Variants in NRXN1 observed in about 807,000 individuals in gnomAD.
NRXN1 encodes neurexin 1, also known as neurexin-1.
In NRXN1, 39 loss-of-function variants were observed where a neutral mutation model predicts 150.9. The observed-to-expected ratio is 0.26, with a 90% CI of 0.20 to 0.34. The LOEUF is 0.34. Ranked by LOEUF, NRXN1 falls within the 10% of genes least tolerant of loss-of-function variation. The pLI, the probability that NRXN1 is intolerant of heterozygous loss-of-function variation, is 1.00. For missense variants in NRXN1, 1,815 were observed against 1,949.9 expected (o/e 0.93, Z 1.30); for synonymous variants, 924 against 757.0 (o/e 1.22, Z -3.62).
Position 50,769,308 on chromosome 2 carries a change from A to T in NRXN1, c.833-145693T>A, listed in dbSNP as rs532064967. On this transcript the variant is annotated intron_variant, in intron 5 of 22. Coordinates refer to ENST00000401669, the MANE Select transcript of NRXN1 (RefSeq NM_001330078.2). Reference sequence around the variant, plus strand: ...TATAGCATCACAGATGGGTTATCCAACTCAATCACAGACATTCCCCTAATC... The same window carrying T: ...TATAGCATCACAGATGGGTTATCCATCTCAATCACAGACATTCCCCTAATC... Among the ~76,000 whole-genome samples the T allele has an allele frequency of 9.2e-5, 14 of 152,098 alleles. No individual in the cohort carries two copies. The South Asian group carries it at 2.9e-3, about 32-fold the overall frequency.
At chr2:51,022,513 G>A (rs1669775424) in intron 2 of NRXN1, among the ~76,000 whole-genome samples, 1 of 152,094 alleles carries the variant, frequency 6.6e-6, no homozygotes, top group Admixed American at 6.6e-5. Context: ...TTACCTCATA[G>A]TCAAAATAAA....
intron 5 of NRXN1, among the ~76,000 whole-genome samples, chr2:50,797,943 T>G (rs1037616695): frequency 6.6e-6 from 1 of 152,192 alleles, no homozygotes; most frequent in African/African-American, 2.4e-5. Flanking sequence ...ATTTAGGTGA[T>G]CAGGCTTCTC....
chr2:50,723,344 T>A (rs1696914323), intron 5 of NRXN1, among the ~76,000 whole-genome samples: 1 of 152,196 alleles, frequency 6.6e-6, no homozygotes, highest in Non-Finnish European at 1.5e-5. Context: ...GAAGAACTAT[T>A]ATTCAAAGCT....
intron 18 of NRXN1, among the ~76,000 whole-genome samples, chr2:50,218,147 T>C (rs2063532117): frequency 6.6e-6 from 1 of 152,078 alleles, no homozygotes; most frequent in Non-Finnish European, 1.5e-5. Flanking sequence ...CTTTACATCA[T>C]TTTATTAAAA....
intron 17 of NRXN1, among the ~76,000 whole-genome samples, chr2:50,317,821 A>T (rs1638573371): frequency 6.6e-6 from 1 of 152,056 alleles, no homozygotes; most frequent in African/African-American, 2.4e-5. Flanking sequence ...TCATGAAAGG[A>T]ATTGAAACAT....
intron 17 of NRXN1, among the ~76,000 whole-genome samples, chr2:50,396,820 T>C (rs1227025897): frequency 6.6e-6 from 1 of 152,138 alleles, no homozygotes; most frequent in Non-Finnish European, 1.5e-5. Flanking sequence ...AACCTATCAT[T>C]AATTTTTTAA....
intron 5 of NRXN1, among the ~76,000 whole-genome samples, chr2:50,780,887 C>T (rs1394746446): frequency 6.6e-6 from 1 of 152,122 alleles, no homozygotes; most frequent in African/African-American, 2.4e-5. Flanking sequence ...TTAATTGTAA[C>T]CTCCTATGCA....
At chr2:50,233,480 CCAAT>C (rs1371215513) in intron 18 of NRXN1, among the ~76,000 whole-genome samples, 14 of 151,922 alleles carry the variant, frequency 9.2e-5, no homozygotes, top group African/African-American at 3.1e-4. Context: ...AAATTATATG[CCAAT>C]CAGATTTTTT....
intron 15 of NRXN1, among the ~76,000 whole-genome samples, chr2:50,494,892 G>A (rs1040045420): frequency 2.7e-4 from 41 of 152,100 alleles, no homozygotes; most frequent in Middle Eastern, 3.4e-3. Flanking sequence ...TTAGCCGGGC[G>A]TGGTGGCGGG....
chr2:50,138,628 C>T (rs1028235245), intron 18 of NRXN1, among the ~76,000 whole-genome samples: 53 of 152,214 alleles, frequency 3.5e-4, no homozygotes, highest in African/African-American at 1.3e-3. Flanking sequence ...TTTCATTCCC[C>T]TTCTCACATC....
chr2:50,525,286 G>T (rs2160449), intron 12 of NRXN1, among the ~76,000 whole-genome samples: 132,968 of 151,914 alleles, frequency 0.88, 58,626 homozygotes, highest in African/African-American at 0.97. Flanking sequence ...TCTTTGATGA[G>T]TTTTAAAATA....
chr2:50,416,564 T>G (rs2083554147), intron 17 of NRXN1, among the ~76,000 whole-genome samples: 1 of 152,148 alleles, frequency 6.6e-6, no homozygotes. Flanking sequence ...CTCACACTCC[T>G]ATAAAGAAAT....
intron 18 of NRXN1, among the ~76,000 whole-genome samples, chr2:50,192,296 T>C (rs545096012): frequency 6.6e-6 from 1 of 152,298 alleles, no homozygotes; most frequent in Non-Finnish European, 1.5e-5. Context: ...CTTTAAAGCA[T>C]GAAATGCATC....
Position 50,347,903 on chromosome 2 carries a change from C to A in NRXN1, c.3365-110933G>T. On this transcript the variant is annotated intron_variant, in intron 17 of 22. Transcript: ENST00000401669. The surrounding 1 kb of genome is among the most constrained non-coding windows in gnomAD (Gnocchi z 4.9). ...GGTCTAGCTTCCCACGAAAATCGCCCTGCTTTGCCTCTCCCTTGCATTCTC... is the reference window on the plus strand; with the variant it reads ...GGTCTAGCTTCCCACGAAAATCGCCATGCTTTGCCTCTCCCTTGCATTCTC... 1.1e-6 allele frequency: 1 copy of A among 928,506 alleles called. No homozygotes were observed. The highest frequency in any genetic ancestry group is 1.3e-6 in the Non-Finnish European group (1 of 778,104). The allele number at this position is 928,506 out of a possible 1,614,324, so 57.5% of individuals were successfully genotyped here.
At chr2:50,042,448 G>A (rs180797201) in intron 21 of NRXN1, among the ~76,000 whole-genome samples, 2 of 152,138 alleles carry the variant, frequency 1.3e-5, no homozygotes, top group Non-Finnish European at 1.5e-5. Context: ...TGCCATGATT[G>A]TAAGTTTCCT....
chr2:50,145,066 G>A (rs897354825), intron 18 of NRXN1, among the ~76,000 whole-genome samples: 7 of 151,620 alleles, frequency 4.6e-5, no homozygotes, highest in African/African-American at 1.7e-4. Flanking sequence ...TTAATGCCAT[G>A]TTAACAAATA....
intron 2 of NRXN1, among the ~76,000 whole-genome samples, chr2:50,977,207 G>A (rs1223098621): frequency 6.6e-6 from 1 of 151,700 alleles, no homozygotes; most frequent in African/African-American, 2.4e-5. Context: ...AAAATTTAGA[G>A]CACATTCATT....
intron 18 of NRXN1, among the ~76,000 whole-genome samples, chr2:50,147,381 T>A (rs2058406557): frequency 1.3e-5 from 2 of 151,800 alleles, no homozygotes; most frequent in South Asian, 4.1e-4. Flanking sequence ...TCCAAATAAC[T>A]TGTCTTAGGT....
intron 18 of NRXN1, among the ~76,000 whole-genome samples, chr2:50,196,214 T>C (rs1397436732): frequency 6.6e-6 from 1 of 152,102 alleles, no homozygotes; most frequent in Non-Finnish European, 1.5e-5. Context: ...TAAGTGCATG[T>C]TCTTAGATAT....
Sources: allele counts gnomAD v4.1 joint callset (sites outside exome capture counted in the v4.1 genomes callset), GRCh38; gene constraint gnomAD v4.1.1; non-coding constraint Gnocchi (gnomAD v3.1); transcripts MANE v1.5; gene names NCBI Gene and HGNC (gene_info 2026-07-23, HGNC 2026-07-21).